The following GOT2 variants were observed in gnomAD, a reference collection of about 807,000 sequenced individuals.
The protein encoded by GOT2 is glutamic-oxaloacetic transaminase 2.
A neutral mutation model predicts 50.0 loss-of-function variants in GOT2; 17 were observed. That is an observed-to-expected ratio of 0.34 (90% CI 0.23 to 0.51). The LOEUF (loss-of-function observed/expected upper bound fraction) is 0.51. Ranked by LOEUF, GOT2 falls within the 20% of genes least tolerant of loss-of-function variation. GOT2 has a pLI of 0.97. For synonymous variants in GOT2, 172 were observed against 204.9 expected (o/e 0.84, Z 1.37); for missense variants, 430 against 559.6 (o/e 0.77, Z 2.34).
At chr16:58,712,237 C>T (rs140503094) in intron 8 of GOT2, among the ~76,000 whole-genome samples, 16 of 152,240 alleles carry the variant, frequency 1.1e-4, no homozygotes, top group Admixed American at 5.9e-4. Context: ...TGTGGCCAGG[C>T]GCGGTGGCTC....
Position 58,719,211 on chromosome 16 carries a change from G to C in GOT2, c.420C>G (p.Ile140Met), listed in dbSNP as rs781414259. The change falls in exon 4 of 10, where the codon ATC becomes ATG. Residue 140 changes from isoleucine to methionine, a missense_variant. Transcript: ENST00000245206. ...CCAGACTCACCAGAAAACTGGCTCC[G>C]ATCCTTAAGGCTCCAGTTCCAGAAA... ...QTISGTGALRIGASFLQRFFK... is the reference protein window; with the variant it reads ...QTISGTGALRMGASFLQRFFK... The C allele has an allele frequency of 3.7e-6, 6 of 1,612,722 alleles. No individual in the cohort carries two copies. Among genetic ancestry groups the C allele is most frequent in the South Asian group, 3.3e-5 (3 of 91,048 alleles).
chr16:58,716,575 CA>C lies in GOT2; in HGVS notation c.853+87del. On this transcript the variant is annotated intron_variant, in intron 7 of 9. Transcript: ENST00000245206. ...ACATGGATGGACACACACACACACACACACACACACACACCCACAAGCTCTA... is the reference window on the plus strand; with the variant it reads ...ACATGGATGGACACACACACACACACCACACACACACACCCACAAGCTCTA... The C allele has an allele frequency of 1.5e-5, 17 of 1,101,732 alleles. 1 individual carries two copies. Among genetic ancestry groups the C allele is most frequent in the Non-Finnish European group, 2.3e-5 (17 of 752,852 alleles). 68.2% of individuals were successfully genotyped at this position (1,101,732 alleles called of 1,614,324 possible).
intron 7 of GOT2, 60 bp from the exon 8 acceptor site, chr16:58,716,239 C>T: frequency 6.9e-7 from 1 of 1,459,112 alleles, no homozygotes; most frequent in Non-Finnish European, 9.5e-7. Flanking sequence ...TAAAGCAAAT[C>T]ATGAGTGTAT....
chr16:58,716,581 C>T, intron 7 of GOT2, 82 bp downstream of exon 7: 1 of 1,199,536 alleles, frequency 8.3e-7, no homozygotes, highest in Non-Finnish European at 1.2e-6. Flanking sequence ...CACACACACA[C>T]ACACACACCC....
In GOT2 at chr16:58,718,544, C is replaced by A; in HGVS notation, c.580G>T (p.Ala194Ser). Residue 194 changes from alanine (A) to serine (S), a missense_variant, in exon 5 of 10, where the codon GCT becomes TCT. Coordinates refer to ENST00000245206, the MANE Select transcript of GOT2 (RefSeq NM_002080.4). ...PKTCGFDFTGAVEDISKIPEQ... is the reference protein window; with the variant it reads ...PKTCGFDFTGSVEDISKIPEQ... ...ACACTTACTGAAATATCCTCCACAG[C>A]GCCTGTGAAGTCAAAACCGCAAGTC... The A allele has an allele frequency of 6.3e-7, 1 of 1,586,508 alleles. No homozygotes were observed. Among genetic ancestry groups the A allele is most frequent in the Non-Finnish European group, 8.6e-7 (1 of 1,168,190 alleles).
rs1491106641 is a variant in GOT2 at position 58,716,588 on chromosome 16, A to ACC, written c.853+73_853+74dup. 3.2e-3 allele frequency: 3,945 copies of ACC among 1,234,016 alleles called. 24 individuals carry two copies. The East Asian group carries it at 0.038, about 12-fold the overall frequency. The allele number at this position is 1,234,016 out of a possible 1,614,324, so 76.4% of individuals were successfully genotyped here. A position where few individuals can be genotyped will look rare whatever the true frequency, so the allele number is the denominator to read the frequency against. On this transcript the variant is annotated intron_variant, in intron 7 of 9. Coordinates refer to ENST00000245206, the MANE Select transcript of GOT2 (RefSeq NM_002080.4). ...CACACACACACACACACACACACAC[A>ACC]CCCACAAGCTCTATGCCCTCGTGGC...
intron 2 of GOT2, among the ~76,000 whole-genome samples, chr16:58,722,660 G>A (rs1468696450): frequency 1.3e-5 from 2 of 152,076 alleles, no homozygotes; most frequent in South Asian, 4.1e-4. Context: ...ATGAGCCACT[G>A]CGCCCGGCCA....
At chr16:58,721,132 G>A in intron 3 of GOT2, among the ~76,000 whole-genome samples, 1 of 152,116 alleles carries the variant, frequency 6.6e-6, no homozygotes, top group East Asian at 1.9e-4. Context: ...CTGAGTTAAC[G>A]AATTCATGTG....
chr16:58,720,101 C>G (rs141059839), intron 3 of GOT2, among the ~76,000 whole-genome samples: 2,549 of 152,258 alleles, frequency 0.017, 67 homozygotes, highest in African/African-American at 0.053. Flanking sequence ...CTCAGGAAGG[C>G]TGAGGCGGGA....
intron 1 of GOT2, among the ~76,000 whole-genome samples, chr16:58,731,881 G>A (rs1439172127): frequency 5.9e-5 from 9 of 152,194 alleles, no homozygotes; most frequent in Admixed American, 5.9e-4. Context: ...TTGGAGCTAG[G>A]TAAAGATCAC....
At position 58,722,144 on chromosome 16, in the gene GOT2, G is replaced by A. The variant is rs2044745903; in HGVS notation, c.375+6C>T. The A allele has an allele frequency of 6.2e-6, 10 of 1,611,866 alleles. No individual in the cohort carries two copies. The highest frequency in any genetic ancestry group is 8.5e-6 in the Non-Finnish European group (10 of 1,179,792). On this transcript the variant is annotated splice_donor_region_variant and intron_variant, in intron 3 of 9. Transcript: ENST00000245206. ...CTGGGATGATGCCAGAGCCTGCTCA[G>A]CTTACCCGGCCACTCTTCAAGACTT... is the stretch of plus-strand genomic sequence containing the variant.
At chr16:58,724,119 A>G (rs2044763456) in intron 1 of GOT2, among the ~76,000 whole-genome samples, 1 of 151,978 alleles carries the variant, frequency 6.6e-6, no homozygotes, top group African/African-American at 2.4e-5. Flanking sequence ...ACGTCAGCTA[A>G]TTTTTGTATT....
chr16:58,734,298 A>C lies in GOT2; in HGVS notation c.-70T>G. Reference sequence around the variant, plus strand: ...GGGCGAGCGGACACACACACAGGGAACCGGCTCCTGCTGAAGGTAAGGACA... The same window carrying C: ...GGGCGAGCGGACACACACACAGGGACCCGGCTCCTGCTGAAGGTAAGGACA... On this transcript the variant is annotated 5_prime_UTR_variant, in exon 1 of 10. Transcript: ENST00000245206. 1 of 834,016 alleles carries C rather than the reference A, an allele frequency of 1.2e-6. No individual in the cohort carries two copies. The highest frequency in any genetic ancestry group is 1.6e-6 in the Non-Finnish European group (1 of 614,238). The allele number at this position is 834,016 out of a possible 1,614,324, so 51.7% of individuals were successfully genotyped here.
chr16:58,707,631 C>T lies in GOT2; in HGVS notation c.*540G>A, dbSNP rs1460597444. On this transcript the variant is annotated 3_prime_UTR_variant, in exon 10 of 10. Transcript: ENST00000245206. Reference sequence around the variant, plus strand: ...GGAGAAAAGAGAGCCTTCTCTTTTTCTTAAATAAGACAGGAAACTGCATTA... The same window carrying T: ...GGAGAAAAGAGAGCCTTCTCTTTTTTTTAAATAAGACAGGAAACTGCATTA... 1 of 152,168 alleles carries T rather than the reference C, an allele frequency of 6.6e-6. No homozygotes were observed. Among genetic ancestry groups the T allele is most frequent in the Non-Finnish European group, 1.5e-5 (1 of 68,028 alleles). The allele number at this position is 152,168 out of a possible 1,614,324, so 9.4% of individuals were successfully genotyped here.
At chr16:58,720,157 G>A (rs1394174172) in intron 3 of GOT2, among the ~76,000 whole-genome samples, 3 of 152,200 alleles carry the variant, frequency 2.0e-5, no homozygotes, top group Non-Finnish European at 2.9e-5. Context: ...AGCTGAGATC[G>A]TGCTATTGCA....
rs750034424 is a variant in GOT2 at position 58,718,624 on chromosome 16, G to T, written c.500C>A (p.Pro167His). The change falls in exon 5 of 10, where the codon CCC (proline) becomes CAC (histidine). Residue 167 changes from proline to histidine, a missense_variant. Pro to His is a moderately conservative substitution (Grantham distance 77). Coordinates refer to ENST00000245206, the MANE Select transcript of GOT2 (RefSeq NM_002080.4). ...CTGCATGCCAGCATCCCTGAAGATG[G>T]GTGTGTGGTTTCCCCAGGTTGGTTT... ...LPKPTWGNHT[P>H]IFRDAGMQLQ... 1 of 1,610,104 alleles carries T rather than the reference G, an allele frequency of 6.2e-7. No homozygotes were observed.
At position 58,709,406 on chromosome 16, in the gene GOT2, GAATCACTCAC is replaced by G; in HGVS notation, c.1170+1_1170+10del. On this transcript the variant is annotated splice_donor_variant and splice_donor_5th_base_variant and intron_variant, in intron 9 of 9. Coordinates refer to ENST00000245206, the MANE Select transcript of GOT2 (RefSeq NM_002080.4). LOFTEE classifies it high-confidence loss of function. ...CAGCTGGTCTGCTGCAGAGAAATCA[GAATCACTCAC>G]CTGTTCAGGCTTTAGCCCTGTGAAA... is the stretch of plus-strand genomic sequence containing the variant. 1 of 1,579,230 alleles carries G rather than the reference GAATCACTCAC, an allele frequency of 6.3e-7. No homozygotes were observed. The highest frequency in any genetic ancestry group is 8.7e-7 in the Non-Finnish European group (1 of 1,152,784).
chr16:58,719,605 A>G (rs2152095515), intron 3 of GOT2, among the ~76,000 whole-genome samples: 1 of 152,164 alleles, frequency 6.6e-6, no homozygotes, highest in South Asian at 2.1e-4. Flanking sequence ...TAAAACAAAA[A>G]TTAGCTGGGC....
chr16:58,713,996 C>G (rs904672814), intron 8 of GOT2, among the ~76,000 whole-genome samples: 3 of 152,142 alleles, frequency 2.0e-5, no homozygotes, highest in African/African-American at 7.2e-5. Context: ...TTGCCAACCC[C>G]TTTCTACAGC....
Sources: gnomAD v4.1 joint callset for allele counts (sites outside exome capture counted in the v4.1 genomes callset) on GRCh38, gnomAD v4.1.1 for gene constraint, MANE v1.5 for transcripts, NCBI Gene and HGNC (gene_info 2026-07-23, HGNC 2026-07-21) for gene names.